DAGLB: variants seen among roughly 807,000 people sequenced by gnomAD.
DAGLB encodes diacylglycerol lipase-beta.
Under a neutral mutation model 72.1 loss-of-function variants are expected in DAGLB, and 66 were observed. The observed-to-expected ratio is 0.92, with a 90% CI of 0.75 to 1.12. The LOEUF (loss-of-function observed/expected upper bound fraction) is 1.12. Among genes scored for constraint, DAGLB ranks in the 50% most tolerant of loss-of-function variants. The probability of loss-of-function intolerance (pLI) is 0.00; values close to 1 mark genes in which losing one functional copy is unlikely to be tolerated. For synonymous variants in DAGLB, 414 were observed against 359.5 expected (o/e 1.15, Z -1.71); for missense variants, 1,065 against 884.9 (o/e 1.20, Z -2.58).
intron 6 of DAGLB, among the ~76,000 whole-genome samples, 178 bp downstream of exon 6, chr7:6,430,302 G>T (rs1474474194): frequency 9.5e-6 from 1 of 105,460 alleles, no homozygotes; most frequent in African/African-American, 3.6e-5. Flanking sequence ...AGGGAGGGAG[G>T]GAGAGAGAGA....
At chr7:6,437,002 T>C (rs1293278359) in intron 2 of DAGLB, among the ~76,000 whole-genome samples, 1 of 151,540 alleles carries the variant, frequency 6.6e-6, no homozygotes, top group African/African-American at 2.4e-5. Context: ...ATTAAAAAAT[T>C]AGCGAGGCGT....
rs189092508 is a variant in DAGLB at position 6,419,462 on chromosome 7, C to T, written c.1218+2265G>A. Among the ~76,000 whole-genome samples, 8 of 152,254 alleles carry T rather than the reference C, an allele frequency of 5.3e-5. No homozygotes were observed. The East Asian group carries it at 1.4e-3, about 26-fold the overall frequency. ...AGCTGCTGCTGGCGAGCCTCCCCGG[C>T]GCACATCCAACAACAAATGCCAAAG... On this transcript the variant is annotated intron_variant, in intron 9 of 14. Coordinates refer to ENST00000297056, the MANE Select transcript of DAGLB (RefSeq NM_139179.4).
intron 1 of DAGLB, 59 bp from the exon 2 acceptor site, chr7:6,446,163 A>G: frequency 6.6e-7 from 1 of 1,524,822 alleles, no homozygotes; most frequent in Middle Eastern, 1.8e-4. Context: ...GCTGTGTAGA[A>G]CATGATACAA....
At chr7:6,444,872 C>T (rs372640008) in intron 2 of DAGLB, among the ~76,000 whole-genome samples, 5 of 152,198 alleles carry the variant, frequency 3.3e-5, no homozygotes, top group Admixed American at 2.0e-4. Context: ...CGCCATGGCA[C>T]TCCAGCCTGG....
intron 5 of DAGLB, among the ~76,000 whole-genome samples, chr7:6,431,067 C>T (rs1395631039): frequency 1.3e-5 from 2 of 152,068 alleles, no homozygotes; most frequent in African/African-American, 4.8e-5. Context: ...TGAGCCACCA[C>T]GCCCAGCCTG....
At chr7:6,427,154 A>G (rs1164858632) in intron 6 of DAGLB, among the ~76,000 whole-genome samples, 1 of 152,168 alleles carries the variant, frequency 6.6e-6, no homozygotes, top group South Asian at 2.1e-4. Context: ...ATAAAAACTA[A>G]AAAAACTACA....
intron 6 of DAGLB, among the ~76,000 whole-genome samples, chr7:6,427,562 G>T (rs1304076004): frequency 6.6e-6 from 1 of 152,146 alleles, no homozygotes; most frequent in Admixed American, 6.6e-5. Flanking sequence ...GGAGGCTGAG[G>T]TGAGAGAACC....
At chr7:6,446,773 C>T (rs965245832) in intron 1 of DAGLB, among the ~76,000 whole-genome samples, 2 of 151,932 alleles carry the variant, frequency 1.3e-5, no homozygotes, top group African/African-American at 4.8e-5. Context: ...CTTTGGGAGG[C>T]CAAGGCAGGA....
intron 4 of DAGLB, among the ~76,000 whole-genome samples, 154 bp downstream of exon 4, chr7:6,434,608 G>A (rs1784594832): frequency 6.6e-6 from 1 of 152,068 alleles, no homozygotes; most frequent in Non-Finnish European, 1.5e-5. Context: ...GCTCCCTGGA[G>A]GGCTCATCAC....
At position 6,430,533 on chromosome 7, in the gene DAGLB, G is replaced by C. The variant is rs373267163; in HGVS notation, c.876C>G (p.Pro292=). 6.2e-7 allele frequency: 1 copy of C among 1,601,072 alleles called. No individual in the cohort carries two copies. ...TGAGGGGGTTTCTGTAGATGTAGAG[G>C]GGCCACCCATAGGCCGCTGCTGCAA... ...MQFAAAAYGW[P]LYIYRNPLTG... is the part of the protein sequence containing the mutation. The change falls in exon 6 of 15, where the codon CCC becomes CCG. Residue 292 remains proline (P), a synonymous_variant. Transcript: ENST00000297056.
chr7:6,424,432 G>A (rs1250797771), intron 8 of DAGLB, among the ~76,000 whole-genome samples: 1 of 152,096 alleles, frequency 6.6e-6, no homozygotes, highest in Non-Finnish European at 1.5e-5. Context: ...TCCCCGGGAG[G>A]GCTCCCGGGT....
chr7:6,435,058 G>C (rs774365954), intron 3 of DAGLB, 38 bp from the exon 4 acceptor site: 13 of 1,604,378 alleles, frequency 8.1e-6, no homozygotes, highest in South Asian at 3.3e-5. Context: ...GGTGACTGCG[G>C]GCCCCAGCCC....
chr7:6,441,030 G>A (rs1055633398), intron 2 of DAGLB, among the ~76,000 whole-genome samples: 2 of 151,528 alleles, frequency 1.3e-5, no homozygotes, highest in African/African-American at 2.4e-5. Flanking sequence ...ATGAGCCACC[G>A]CTCCCAGCTT....
chr7:6,424,435 T>TC (rs1250737213), intron 8 of DAGLB, among the ~76,000 whole-genome samples: 2 of 152,002 alleles, frequency 1.3e-5, no homozygotes, highest in Non-Finnish European at 2.9e-5. Flanking sequence ...CCGGGAGGGC[T>TC]CCCGGGTGTG....
In DAGLB at chr7:6,409,617, T is replaced by C; in HGVS notation, c.*220A>G. On this transcript the variant is annotated 3_prime_UTR_variant, in exon 15 of 15. Coordinates refer to ENST00000297056, the MANE Select transcript of DAGLB (RefSeq NM_139179.4). Reference sequence around the variant, plus strand: ...CTCCACGGTCGCTGGGTCTCAGGAGTCGTCCTATCACCTGAGCGTGCTCAC... The same window carrying C: ...CTCCACGGTCGCTGGGTCTCAGGAGCCGTCCTATCACCTGAGCGTGCTCAC... 1.7e-6 allele frequency: 1 copy of C among 589,792 alleles called. No individual in the cohort carries two copies. Among genetic ancestry groups the C allele is most frequent in the South Asian group, 2.1e-5 (1 of 47,554 alleles). 36.5% of individuals were successfully genotyped at this position (589,792 alleles called of 1,614,324 possible).
chr7:6,425,839 C>G, intron 7 of DAGLB, 149 bp downstream of exon 7: 1 of 1,340,878 alleles, frequency 7.5e-7, no homozygotes, highest in South Asian at 1.5e-5. Flanking sequence ...CCCCCAGAGT[C>G]TGTGGCCCCT....
chr7:6,437,426 G>A (rs374551185), intron 2 of DAGLB, among the ~76,000 whole-genome samples: 3 of 152,164 alleles, frequency 2.0e-5, no homozygotes, highest in South Asian at 2.1e-4. Flanking sequence ...AGCTCAGAGA[G>A]CGTAATAGCT....
chr7:6,435,778 G>T (rs1447469923), intron 3 of DAGLB, among the ~76,000 whole-genome samples: 4 of 152,162 alleles, frequency 2.6e-5, no homozygotes, highest in East Asian at 1.9e-4. Flanking sequence ...ACACGCAACC[G>T]GGAAATGCCC....
Position 6,436,479 on chromosome 7 carries a change from C to T in DAGLB, c.302G>A (p.Arg101His), listed in dbSNP as rs751040976. ...CATCTCTGGAAAAAACAGCGCCAGG[C>T]GGATGTAAAGCAGCTTAGACATAGA... ...RKSMSKLLYIRLALFFPEMVW... is the reference protein window; with the variant it reads ...RKSMSKLLYIHLALFFPEMVW... The change falls in exon 3 of 15, where the codon CGC becomes CAC. Residue 101 changes from arginine (R) to histidine (H), a missense_variant. Physicochemically the swap from Arg to His is conservative, Grantham distance 29. Coordinates refer to ENST00000297056, the MANE Select transcript of DAGLB (RefSeq NM_139179.4). The T allele has an allele frequency of 5.0e-6, 8 of 1,614,002 alleles. No homozygotes were observed. Among genetic ancestry groups the T allele is most frequent in the South Asian group, 1.1e-5 (1 of 91,086 alleles).
Sources: allele counts gnomAD v4.1 joint callset (sites outside exome capture counted in the v4.1 genomes callset), GRCh38; gene constraint gnomAD v4.1.1; transcripts MANE v1.5; gene names NCBI Gene and HGNC (gene_info 2026-07-23, HGNC 2026-07-21).